The following RAB3IP variants were observed in gnomAD, a reference collection of about 807,000 sequenced individuals.
RAB3IP encodes rab-3A-interacting protein.
Under a neutral mutation model 59.1 loss-of-function variants are expected in RAB3IP, and 36 were observed. The observed-to-expected ratio is 0.61, with a 90% CI of 0.47 to 0.80. RAB3IP has a LOEUF of 0.80. Among genes scored for constraint, RAB3IP ranks in the 30% least tolerant of loss-of-function variants. The pLI is 0.00. For synonymous variants in RAB3IP, 207 were observed against 191.2 expected, an observed-to-expected ratio of 1.08 and a Z score of -0.68; for missense variants, 511 against 536.0, an observed-to-expected ratio of 0.95 and a Z score of 0.46.
At chr12:69,779,895 T>C (rs997573395) in intron 3 of RAB3IP, among the ~76,000 whole-genome samples, 2 of 152,194 alleles carry the variant, frequency 1.3e-5, no homozygotes, top group African/African-American at 4.8e-5. Flanking sequence ...TTGTTCTGAA[T>C]GCTTGTGGAT....
chr12:69,757,845 T>G (rs1870477400), intron 3 of RAB3IP, among the ~76,000 whole-genome samples: 1 of 152,182 alleles, frequency 6.6e-6, no homozygotes, highest in Non-Finnish European at 1.5e-5. Context: ...TATATAGAGG[T>G]AAAATTTTGA....
At chr12:69,749,762 C>T (rs1444398736) in intron 1 of RAB3IP, among the ~76,000 whole-genome samples, 1 of 152,096 alleles carries the variant, frequency 6.6e-6, no homozygotes, top group Non-Finnish European at 1.5e-5. Flanking sequence ...ATTTATTTGT[C>T]CTTCCCGTGT....
In RAB3IP at chr12:69,796,735, G is replaced by A. The variant is rs115164929; in HGVS notation, c.888+1391G>A. On this transcript the variant is annotated intron_variant, in intron 6 of 10. Transcript: ENST00000247833. The stretch of plus-strand genomic sequence containing the variant: ...TGTTAAATATTTAAGAAACTTCTTT[G>A]TCCTAACTTTAATTCTAATTCTTTG... 1,415 of 505,668 alleles carry A rather than the reference G, an allele frequency of 2.8e-3. 13 individuals are homozygous for A. The highest frequency in any genetic ancestry group is 0.024 in the African/African-American group (1,190 of 50,470). 31.3% of individuals were successfully genotyped at this position (505,668 alleles called of 1,614,324 possible). A position where few individuals can be genotyped will look rare whatever the true frequency, so the allele number is the denominator to read the frequency against.
At chr12:69,794,415 T>C (rs1877123868) in intron 4 of RAB3IP, 22 bp from the exon 5 acceptor site, 2 of 1,588,152 alleles carry the variant, frequency 1.3e-6, no homozygotes, top group Non-Finnish European at 1.7e-6. Flanking sequence ...GTTTCTAAAA[T>C]TTGAGATGTT....
chr12:69,765,091 G>A (rs1871974406), intron 3 of RAB3IP, among the ~76,000 whole-genome samples: 1 of 152,154 alleles, frequency 6.6e-6, no homozygotes, highest in Admixed American at 6.5e-5. Context: ...TGTAGGAGAG[G>A]TAATTTGACT....
chr12:69,792,664 CAACTGATCCTGCCCCAGTCTAGTGCTCA>C (rs1876822410), intron 4 of RAB3IP, among the ~76,000 whole-genome samples: 1 of 152,130 alleles, frequency 6.6e-6, no homozygotes, highest in African/African-American at 2.4e-5. Flanking sequence ...ATCTTTTTAG[CAACTGATCCTGCCCCAGTCTAGTGCTCA>C]TCTTTCCTTT....
In RAB3IP at chr12:69,820,029, CTG is replaced by C. The variant is rs1312671187; in HGVS notation, c.*4589_*4590del. 1.3e-5 allele frequency: 2 copies of C among 152,192 alleles called. No homozygotes were observed. Among genetic ancestry groups the C allele is most frequent in the African/African-American group, 4.8e-5 (2 of 41,446 alleles). 9.4% of individuals were successfully genotyped at this position (152,192 alleles called of 1,614,324 possible). On this transcript the variant is annotated 3_prime_UTR_variant, in exon 11 of 11. Transcript: ENST00000247833. Reference sequence around the variant, plus strand: ...TACTCCCATCGCCACCACAAGAATCCTGTGTGTTTTTGTTTTGTGCATCCAGT... The same window carrying C: ...TACTCCCATCGCCACCACAAGAATCCTGTGTTTTTGTTTTGTGCATCCAGT...
At chr12:69,799,897 A>C (rs2136243514) in intron 6 of RAB3IP, among the ~76,000 whole-genome samples, 1 of 152,274 alleles carries the variant, frequency 6.6e-6, no homozygotes, top group East Asian at 1.9e-4. Context: ...GAAGGAGCTC[A>C]GAGTGAGGAT....
At chr12:69,804,918 G>C (rs1041577652) in intron 8 of RAB3IP, among the ~76,000 whole-genome samples, 62 of 152,308 alleles carry the variant, frequency 4.1e-4, no homozygotes, top group African/African-American at 1.4e-3. Flanking sequence ...ATAGTTTGAA[G>C]TCAGGTAGCG....
chr12:69,806,628 G>T lies in RAB3IP; in HGVS notation c.1130+4907G>T, dbSNP rs1363594749. 6.8e-5 allele frequency among the ~76,000 whole-genome samples: 10 copies of T among 146,516 alleles called. No homozygotes were observed. The South Asian group carries it at 1.8e-3, about 26-fold the overall frequency. On this transcript the variant is annotated intron_variant, in intron 8 of 10. Transcript: ENST00000247833. ...GATCATTCTTGGGTGTTTCTTGGAG[G>T]GGGTATGTGGCAGTGTCATAGGATA...
intron 4 of RAB3IP, among the ~76,000 whole-genome samples, chr12:69,788,051 G>T (rs1875988286): frequency 6.6e-6 from 1 of 152,074 alleles, no homozygotes; most frequent in African/African-American, 2.4e-5. Flanking sequence ...AGAGGAGTGT[G>T]ATTGAATATG....
intron 8 of RAB3IP, among the ~76,000 whole-genome samples, chr12:69,810,114 ACAGT>A (rs1280798776): frequency 6.6e-6 from 1 of 152,076 alleles, no homozygotes; most frequent in Non-Finnish European, 1.5e-5. Context: ...TTTCCTTCTA[ACAGT>A]CAGGACCCTC....
intron 1 of RAB3IP, among the ~76,000 whole-genome samples, chr12:69,748,302 C>A (rs1868673081): frequency 6.6e-6 from 1 of 151,762 alleles, no homozygotes; most frequent in African/African-American, 2.4e-5. Flanking sequence ...TTGAGTTGTC[C>A]TAGGGATGGC....
intron 8 of RAB3IP, among the ~76,000 whole-genome samples, chr12:69,807,909 G>C (rs1435445102): frequency 6.6e-6 from 1 of 151,716 alleles, no homozygotes; most frequent in Non-Finnish European, 1.5e-5. Flanking sequence ...CAGATGGGGC[G>C]GCCGGGCGGA....
chr12:69,805,160 C>G (rs552045079), intron 8 of RAB3IP, among the ~76,000 whole-genome samples: 16 of 152,196 alleles, frequency 1.1e-4, no homozygotes, highest in Non-Finnish European at 2.1e-4. Flanking sequence ...TTTGTATCCT[C>G]TTTTATTTCA....
chr12:69,746,076 G>A lies in RAB3IP; in HGVS notation c.-26+7045G>A, dbSNP rs528089623. The stretch of plus-strand genomic sequence containing the variant: ...AAGCTGTTCTGAATGTTTTCCATAC[G>A]TATATATGCCTCCATCCCCTCATTC... On this transcript the variant is annotated intron_variant, in intron 1 of 10. Transcript: ENST00000247833. Among the ~76,000 whole-genome samples, 6 of 152,230 alleles carry A rather than the reference G, an allele frequency of 3.9e-5. No homozygotes were observed. In the East Asian group the frequency reaches 7.7e-4, roughly 20 times the overall value.
intron 8 of RAB3IP, among the ~76,000 whole-genome samples, chr12:69,808,731 T>A (rs1879893367): frequency 6.6e-6 from 1 of 152,226 alleles, no homozygotes; most frequent in African/African-American, 2.4e-5. Flanking sequence ...CCCCTGCCTT[T>A]TTTTGTTTTC....
At chr12:69,791,426 G>A (rs942752243) in intron 4 of RAB3IP, among the ~76,000 whole-genome samples, 1 of 152,100 alleles carries the variant, frequency 6.6e-6, no homozygotes, top group Non-Finnish European at 1.5e-5. Flanking sequence ...TTTGCAAACC[G>A]TGTATCTGAT....
rs773816431 is a variant in RAB3IP at position 69,813,054 on chromosome 12, A to G, written c.1300+21A>G. The G allele has an allele frequency of 7.0e-6, 11 of 1,567,222 alleles. No homozygotes were observed. Among genetic ancestry groups the G allele is most frequent in the Non-Finnish European group, 7.8e-6 (9 of 1,147,110 alleles). ...GGATGGTGAGTGTTCTTGATTCAAT[A>G]TAAGTCTTTACATAAAAGTTCAGCA... On this transcript the variant is annotated intron_variant, in intron 10 of 10. Transcript: ENST00000247833.
Sources: allele counts gnomAD v4.1 joint callset (sites outside exome capture counted in the v4.1 genomes callset), GRCh38; gene constraint gnomAD v4.1.1; transcripts MANE v1.5; gene names NCBI Gene and HGNC (gene_info 2026-07-23, HGNC 2026-07-21).